Variants in PRKN observed in about 807,000 individuals in gnomAD.
PRKN encodes parkin RBR E3 ubiquitin protein ligase.
Under a neutral mutation model 59.5 loss-of-function variants are expected in PRKN, and 56 were observed. The observed-to-expected ratio is 0.94, with a 90% confidence interval of 0.76 to 1.18. PRKN has a LOEUF of 1.18. Among genes scored for constraint, PRKN ranks in the 50% most tolerant of loss-of-function variants. The probability of loss-of-function intolerance (pLI) is 0.00; values close to 1 mark genes in which losing one functional copy is unlikely to be tolerated. For missense variants in PRKN, 657 were observed against 596.4 expected (o/e 1.10, Z -1.06); for synonymous variants, 250 against 222.1 (o/e 1.13, Z -1.12).
chr6:161,535,274 A>C (rs904429561), intron 9 of PRKN, among the ~76,000 whole-genome samples: 1 of 152,240 alleles, frequency 6.6e-6, no homozygotes, highest in Non-Finnish European at 1.5e-5. Flanking sequence ...TAGAGGTCTA[A>C]TTTCTCATGC....
intron 1 of PRKN, among the ~76,000 whole-genome samples, chr6:162,661,394 A>G (rs1252677084): frequency 1.3e-5 from 2 of 152,208 alleles, no homozygotes; most frequent in African/African-American, 4.8e-5. Flanking sequence ...ATGCAGCAGG[A>G]AGATACAGAG....
At chr6:162,448,158 C>A (rs546865997) in intron 1 of PRKN, among the ~76,000 whole-genome samples, 1 of 152,284 alleles carries the variant, frequency 6.6e-6, no homozygotes, top group Admixed American at 6.5e-5. Flanking sequence ...GCTCCACCTG[C>A]AGCCCAGTAA....
At chr6:162,706,558 G>A (rs762721265) in intron 1 of PRKN, among the ~76,000 whole-genome samples, 2 of 152,180 alleles carry the variant, frequency 1.3e-5, no homozygotes, top group Non-Finnish European at 2.9e-5. Context: ...CGGCCATGTC[G>A]TCCAAGTGCA....
At chr6:162,630,899 G>A (rs1200749546) in intron 1 of PRKN, among the ~76,000 whole-genome samples, 2 of 152,142 alleles carry the variant, frequency 1.3e-5, no homozygotes, top group African/African-American at 4.8e-5. Flanking sequence ...GAAGCAAAAT[G>A]AGTCTGAAAA....
At chr6:161,954,378 A>G (rs1368913876) in intron 6 of PRKN, among the ~76,000 whole-genome samples, 3 of 152,190 alleles carry the variant, frequency 2.0e-5, no homozygotes, top group Non-Finnish European at 4.4e-5. Context: ...ATGCCGCCAC[A>G]GTGAGACAGA....
At chr6:161,977,002 T>G (rs891980173) in intron 5 of PRKN, among the ~76,000 whole-genome samples, 2 of 152,210 alleles carry the variant, frequency 1.3e-5, no homozygotes, top group Non-Finnish European at 2.9e-5. Flanking sequence ...GTAACACATA[T>G]AGTGTTGATA....
In PRKN at chr6:161,829,633, C is replaced by A. The variant is rs1792396018; in HGVS notation, c.735-43725G>T. Among the ~76,000 whole-genome samples, 5 of 152,082 alleles carry A rather than the reference C, an allele frequency of 3.3e-5. No homozygotes were observed. In the South Asian group the frequency reaches 1.0e-3, roughly 32 times the overall value. ...TCAGGAAGCCACTCTCAGGATGCAG[C>A]CTCTGGGTAGGCCCCGCAAAGGCCT... On this transcript the variant is annotated intron_variant, in intron 6 of 11. Transcript: ENST00000366898.
At position 161,371,073 on chromosome 6, in the gene PRKN, G is replaced by A. The variant is rs1785425583; in HGVS notation, c.1168-10868C>T. ...TAGTCAACGTTACTGCTTGGCAACG[G>A]GTGTCACCAAAACATGTTTTGTTGT... On this transcript the variant is annotated intron_variant, in intron 10 of 11. Coordinates refer to ENST00000366898, the MANE Select transcript of PRKN (RefSeq NM_004562.3). This position sits in a 1 kb window ranked among gnomAD's most constrained non-coding sequence, Gnocchi z 5.5. Among the ~76,000 whole-genome samples the A allele has an allele frequency of 6.6e-6, 1 of 152,054 alleles. No individual in the cohort carries two copies. The highest frequency in any genetic ancestry group is 6.6e-5 in the Admixed American group (1 of 15,256).
At position 161,410,958 on chromosome 6, in the gene PRKN, C is replaced by T. The variant is rs1787511829; in HGVS notation, c.1084-24081G>A. Among the ~76,000 whole-genome samples, 1 of 152,136 alleles carries T rather than the reference C, an allele frequency of 6.6e-6. No individual in the cohort carries two copies. The highest frequency in any genetic ancestry group is 2.4e-5 in the African/African-American group (1 of 41,408). ...CTAAACAGGAAGTTTCATCCTGAAA[C>T]CGGTTTCCTCAGGTGGAAGGAAGGC... On this transcript the variant is annotated intron_variant, in intron 9 of 11. Coordinates refer to ENST00000366898, the MANE Select transcript of PRKN (RefSeq NM_004562.3). The surrounding 1 kb of genome is among the most constrained non-coding windows in gnomAD (Gnocchi z 5.3).
chr6:161,660,498 C>A (rs534491117), intron 7 of PRKN, among the ~76,000 whole-genome samples: 1 of 152,306 alleles, frequency 6.6e-6, no homozygotes, highest in South Asian at 2.1e-4. Context: ...CAAAGACACA[C>A]AGCTGAAGAT....
At chr6:162,450,899 A>G (rs754831987) in intron 1 of PRKN, among the ~76,000 whole-genome samples, 11 of 152,198 alleles carry the variant, frequency 7.2e-5, no homozygotes, top group Non-Finnish European at 1.3e-4. Context: ...TCTTTCATTA[A>G]TGATAACAGA....
chr6:162,409,948 A>G (rs1698454136), intron 2 of PRKN, among the ~76,000 whole-genome samples: 1 of 152,220 alleles, frequency 6.6e-6, no homozygotes, highest in African/African-American at 2.4e-5. Flanking sequence ...AAGGGAAGAA[A>G]TAAGATAAGC....
chr6:162,216,550 A>AAC (rs1554286026), intron 3 of PRKN, among the ~76,000 whole-genome samples: 5 of 150,510 alleles, frequency 3.3e-5, no homozygotes, highest in African/African-American at 9.7e-5. Context: ...AAAAAAAAAA[A>AAC]AAAAAAAAAA....
intron 1 of PRKN, among the ~76,000 whole-genome samples, chr6:162,716,536 G>A (rs1366748664): frequency 6.6e-6 from 1 of 152,188 alleles, no homozygotes; most frequent in Non-Finnish European, 1.5e-5. Context: ...CTGATCATCT[G>A]TTATGTGAAG....
intron 1 of PRKN, among the ~76,000 whole-genome samples, chr6:162,652,166 G>A (rs1044405908): frequency 1.3e-5 from 2 of 152,144 alleles, no homozygotes; most frequent in African/African-American, 4.8e-5. Flanking sequence ...TCCACTGGTG[G>A]CAAAACCGCC....
At chr6:162,148,207 A>G (rs1042727429) in intron 4 of PRKN, among the ~76,000 whole-genome samples, 11 of 152,202 alleles carry the variant, frequency 7.2e-5, no homozygotes, top group African/African-American at 2.4e-4. Context: ...GCTGATGAGT[A>G]AACATTAGTA....
chr6:161,909,441 T>C (rs1032667824), intron 6 of PRKN, among the ~76,000 whole-genome samples: 3 of 151,336 alleles, frequency 2.0e-5, no homozygotes, highest in African/African-American at 7.3e-5. Context: ...TTCTTTTGAT[T>C]AAAAAAAAAG....
rs1790084148 is a variant in PRKN at position 161,458,842 on chromosome 6, A to G, written c.1084-71965T>C. On this transcript the variant is annotated intron_variant, in intron 9 of 11. Coordinates refer to ENST00000366898, the MANE Select transcript of PRKN (RefSeq NM_004562.3). This position sits in a 1 kb window ranked among gnomAD's most constrained non-coding sequence, Gnocchi z 6.1. The stretch of plus-strand genomic sequence containing the variant: ...AATTCGTAAATTTTTAGGAAAGTGA[A>G]GAGCATATGGTCACTATGACTTGCT... Among the ~76,000 whole-genome samples the G allele has an allele frequency of 6.6e-6, 1 of 152,324 alleles. No individual in the cohort carries two copies. The highest frequency in any genetic ancestry group is 1.5e-5 in the Non-Finnish European group (1 of 68,038).
rs549411031 is a variant in PRKN at position 161,469,579 on chromosome 6, G to A, written c.1083+79275C>T. ...AGAGAGAGAGAGAGAGAGAAAGAGAGAGAGAAAGAGAAAGAGAGAGAGATT... is the reference window on the plus strand; with the variant it reads ...AGAGAGAGAGAGAGAGAGAAAGAGAAAGAGAAAGAGAAAGAGAGAGAGATT... On this transcript the variant is annotated intron_variant, in intron 9 of 11. Transcript: ENST00000366898. Among the ~76,000 whole-genome samples the A allele has an allele frequency of 1.3e-5, 2 of 150,816 alleles. 1 individual carries two copies. Among genetic ancestry groups the A allele is most frequent in the African/African-American group, 5.0e-5 (2 of 40,238 alleles).
Sources: gnomAD v4.1 joint callset for allele counts (sites outside exome capture counted in the v4.1 genomes callset) on GRCh38, gnomAD v4.1.1 for gene constraint, Gnocchi (gnomAD v3.1) non-coding constraint, MANE v1.5 for transcripts, NCBI Gene and HGNC (gene_info 2026-07-23, HGNC 2026-07-21) for gene names.